Variants in CSMD3 observed in about 807,000 individuals in gnomAD.
CSMD3 encodes the protein CUB and Sushi multiple domains 3.
CSMD3 carries 177 observed loss-of-function variants against 435.2 expected under a neutral mutation model. The observed-to-expected ratio is 0.41, with a 90% CI of 0.36 to 0.46. The LOEUF (loss-of-function observed/expected upper bound fraction) is 0.46. CSMD3 is among the 20% of genes least tolerant of loss of function. The pLI, the probability that CSMD3 is intolerant of heterozygous loss-of-function variation, is 0.34. For synonymous variants in CSMD3, 1,656 were observed against 1,520.5 expected, an observed-to-expected ratio of 1.09 and a Z score of -2.07; for missense variants, 4,265 against 4,504.6, an observed-to-expected ratio of 0.95 and a Z score of 1.52.
chr8:113,118,242 C>G (rs1283959079), intron 4 of CSMD3, among the ~76,000 whole-genome samples: 1 of 152,174 alleles, frequency 6.6e-6, no homozygotes, highest in African/African-American at 2.4e-5. Context: ...ATTACTAATA[C>G]ATTAGTTACA....
At chr8:112,518,656 G>A (rs1218985821) in intron 27 of CSMD3, among the ~76,000 whole-genome samples, 5 of 150,432 alleles carry the variant, frequency 3.3e-5, no homozygotes, top group Non-Finnish European at 4.4e-5. Flanking sequence ...GAGAGAGAGA[G>A]GGAAACTTAC....
chr8:112,462,540 G>T (rs1018653048), intron 32 of CSMD3, among the ~76,000 whole-genome samples: 2 of 151,996 alleles, frequency 1.3e-5, no homozygotes, highest in African/African-American at 2.4e-5. Flanking sequence ...GAATCTAATC[G>T]ATTATTTGAC....
intron 1 of CSMD3, among the ~76,000 whole-genome samples, chr8:113,409,606 C>T (rs941693058): frequency 6.6e-6 from 1 of 152,040 alleles, no homozygotes; most frequent in Non-Finnish European, 1.5e-5. Flanking sequence ...AAACAGATAG[C>T]GGCATTTCTG....
chr8:113,035,001 G>A (rs962134914), intron 5 of CSMD3, among the ~76,000 whole-genome samples: 1 of 151,962 alleles, frequency 6.6e-6, no homozygotes, highest in Non-Finnish European at 1.5e-5. Context: ...AACATTAACA[G>A]CACATAGAAA....
rs191822088 is a variant in CSMD3 at position 112,245,689 on chromosome 8, C to A, written c.10223-1116G>T. On this transcript the variant is annotated intron_variant, in intron 64 of 70. Transcript: ENST00000297405. ...AGGAGCTGGGACTACAGGCACCTGC[C>A]ACCACACCCAGCTAATTTTTTATAT... 3.0e-4 allele frequency among the ~76,000 whole-genome samples: 46 copies of A among 152,202 alleles called. No individual in the cohort carries two copies. The East Asian group carries it at 8.1e-3, about 27-fold the overall frequency.
rs565085296 is a variant in CSMD3, at chr8:112,976,301, G to T, written c.1031-153C>A. ...CAAACACGCGAGTAAATTGTGAAGC[G>T]CACTAGATCTGTCGGTTTGTTTCTA... On this transcript the variant is annotated intron_variant, in intron 6 of 70. Coordinates refer to ENST00000297405, the MANE Select transcript of CSMD3 (RefSeq NM_198123.2). Among the ~76,000 whole-genome samples, 11 of 152,100 alleles carry T rather than the reference G, an allele frequency of 7.2e-5. No homozygotes were observed. In the East Asian group the frequency reaches 2.1e-3, roughly 29 times the overall value.
intron 7 of CSMD3, among the ~76,000 whole-genome samples, chr8:112,966,646 T>G (rs1156401111): frequency 6.6e-6 from 1 of 151,836 alleles, no homozygotes; most frequent in Non-Finnish European, 1.5e-5. Flanking sequence ...TGAGTAAAAT[T>G]TAAAATTTAG....
chr8:113,376,676 T>C (rs2094385322), intron 1 of CSMD3: 9 of 1,597,772 alleles, frequency 5.6e-6, no homozygotes, highest in Admixed American at 3.3e-5. Flanking sequence ...ATCATGGGAG[T>C]TGACACCCGC....
chr8:113,255,024 A>T (rs2093367856), intron 3 of CSMD3, among the ~76,000 whole-genome samples: 1 of 152,182 alleles, frequency 6.6e-6, no homozygotes, highest in Non-Finnish European at 1.5e-5. Context: ...AAAAGAATGG[A>T]GGACAATGCT....
intron 1 of CSMD3, among the ~76,000 whole-genome samples, chr8:113,326,532 ATTT>A (rs1563703035): frequency 6.6e-6 from 1 of 152,088 alleles, no homozygotes; most frequent in Non-Finnish European, 1.5e-5. Flanking sequence ...AACATATATT[ATTT>A]TATTAAATCT....
chr8:112,274,987 T>C (rs1817893385), intron 59 of CSMD3, among the ~76,000 whole-genome samples: 1 of 145,438 alleles, frequency 6.9e-6, no homozygotes, highest in Non-Finnish European at 1.5e-5. Context: ...CAAGAGCATT[T>C]GCATAAAGAA....
intron 3 of CSMD3, among the ~76,000 whole-genome samples, chr8:113,205,524 G>A (rs2092761175): frequency 6.6e-6 from 1 of 152,120 alleles, no homozygotes; most frequent in Non-Finnish European, 1.5e-5. Context: ...ATACCATCTA[G>A]GTTTGTGTAT....
intron 30 of CSMD3, among the ~76,000 whole-genome samples, chr8:112,500,111 A>G (rs1438181499): frequency 5.3e-5 from 8 of 152,100 alleles, no homozygotes; most frequent in Non-Finnish European, 1.0e-4. Context: ...TCTGTCTCCA[A>G]AAAAAAACAA....
At chr8:112,303,651 A>G (rs892117818) in intron 52 of CSMD3, among the ~76,000 whole-genome samples, 4 of 152,154 alleles carry the variant, frequency 2.6e-5, no homozygotes, top group Non-Finnish European at 5.9e-5. Flanking sequence ...TATATTTTTA[A>G]TACTTTAATT....
intron 3 of CSMD3, among the ~76,000 whole-genome samples, chr8:113,208,325 T>C (rs2092794543): frequency 6.6e-6 from 1 of 152,154 alleles, no homozygotes; most frequent in Non-Finnish European, 1.5e-5. Context: ...CTGGACCAGT[T>C]ACAGGCAATG....
intron 13 of CSMD3, among the ~76,000 whole-genome samples, chr8:112,751,640 T>A (rs539089805): frequency 7.0e-6 from 1 of 143,318 alleles, no homozygotes; most frequent in East Asian, 2.0e-4. Flanking sequence ...TTTTTTTTTT[T>A]TTTATATATT....
intron 10 of CSMD3, among the ~76,000 whole-genome samples, chr8:112,910,910 A>T (rs180920740): frequency 1.3e-5 from 2 of 151,910 alleles, no homozygotes; most frequent in East Asian, 3.9e-4. Context: ...TATTTTCCTG[A>T]CCATTTTGCA....
intron 3 of CSMD3, among the ~76,000 whole-genome samples, chr8:113,251,964 TTTGATGTCTAACCAG>T (rs1438363009): frequency 6.6e-6 from 1 of 152,096 alleles, no homozygotes; most frequent in East Asian, 1.9e-4. Context: ...TCAGATAAAA[TTTGATGTCTAACCAG>T]CACCTATTAT....
intron 13 of CSMD3, among the ~76,000 whole-genome samples, chr8:112,721,187 G>A (rs1056863930): frequency 6.6e-6 from 1 of 152,084 alleles, no homozygotes; most frequent in Non-Finnish European, 1.5e-5. Flanking sequence ...TCATATATAT[G>A]CTGACAGCTT....
Sources: gnomAD v4.1 joint callset for allele counts (sites outside exome capture counted in the v4.1 genomes callset) on GRCh38, gnomAD v4.1.1 for gene constraint, MANE v1.5 for transcripts, NCBI Gene and HGNC (gene_info 2026-07-23, HGNC 2026-07-21) for gene names.